The following SYN2 variants were observed in gnomAD, a reference collection of about 807,000 sequenced individuals.
The protein encoded by SYN2 is synapsin II.
A neutral mutation model predicts 50.9 loss-of-function variants in SYN2; 19 were observed. The ratio of observed to expected loss-of-function variants is 0.37; its 90% CI spans 0.26 to 0.55. The LOEUF is 0.55. Ranked by LOEUF, SYN2 falls within the 20% of genes least tolerant of loss-of-function variation. The probability of loss-of-function intolerance (pLI) is 0.81; values close to 1 mark genes in which losing one functional copy is unlikely to be tolerated. For synonymous variants in SYN2, 255 were observed against 224.9 expected (o/e 1.13, Z -1.20); for missense variants, 587 against 576.4 (o/e 1.02, Z -0.19).
At chr3:12,109,656 G>A (rs1420484000) in intron 1 of SYN2, among the ~76,000 whole-genome samples, 1 of 151,672 alleles carries the variant, frequency 6.6e-6, no homozygotes, top group Non-Finnish European at 1.5e-5. Flanking sequence ...TTTTTTTCTT[G>A]ACACCAGCCT....
intron 11 of SYN2, chr3:12,183,615 T>A: frequency 6.9e-7 from 1 of 1,453,580 alleles, no homozygotes; most frequent in Admixed American, 3.0e-5. Context: ...GTTTACCTGT[T>A]CCTGTTCGTG....
At chr3:12,154,222 T>C in intron 5 of SYN2, 1 of 1,516,584 alleles carries the variant, frequency 6.6e-7, no homozygotes, top group Non-Finnish European at 9.0e-7. Flanking sequence ...CTTCATACAG[T>C]GCAGATCTCA....
chr3:12,174,894 A>G (rs1574886972), intron 10 of SYN2, among the ~76,000 whole-genome samples: 2 of 152,242 alleles, frequency 1.3e-5, no homozygotes, highest in East Asian at 3.9e-4. Flanking sequence ...CATAGCACTC[A>G]CTATCAGTTG....
At chr3:12,012,338 GAA>G (rs1363550458) in intron 1 of SYN2, among the ~76,000 whole-genome samples, 1 of 152,150 alleles carries the variant, frequency 6.6e-6, no homozygotes, top group African/African-American at 2.4e-5. Flanking sequence ...AAGGAAGAGA[GAA>G]ATACACAGAA....
At chr3:12,187,837 G>A (rs547228163) in intron 12 of SYN2, among the ~76,000 whole-genome samples, 22 of 152,134 alleles carry the variant, frequency 1.4e-4, no homozygotes, top group Admixed American at 1.4e-3. Flanking sequence ...GGAGGAAAGA[G>A]GGAAGTGAAA....
chr3:12,149,001 A>G (rs1342741068), intron 4 of SYN2, among the ~76,000 whole-genome samples: 2 of 152,172 alleles, frequency 1.3e-5, no homozygotes, highest in Non-Finnish European at 2.9e-5. Context: ...CCAGGGAGCT[A>G]TGGGTTAGAT....
At chr3:12,125,840 GT>G (rs1340278080) in intron 1 of SYN2, among the ~76,000 whole-genome samples, 5 of 56,360 alleles carry the variant, frequency 8.9e-5, no homozygotes, top group Non-Finnish European at 1.9e-4. Context: ...TTGTCTAAAA[GT>G]GAAAAAAAAA....
At chr3:12,071,251 G>T (rs777848744) in intron 1 of SYN2, 276 of 556,516 alleles carry the variant, frequency 5.0e-4, no homozygotes, top group Admixed American at 2.4e-3. Context: ...CAAGTACTCT[G>T]TGTGGATCTG....
intron 5 of SYN2, among the ~76,000 whole-genome samples, chr3:12,155,892 C>T (rs1449277127): frequency 2.0e-5 from 3 of 152,188 alleles, no homozygotes; most frequent in African/African-American, 7.2e-5. Context: ...CTGCAGGGCT[C>T]AGTGGTGTGT....
intron 1 of SYN2, among the ~76,000 whole-genome samples, chr3:12,113,676 AT>A (rs1177004578): frequency 6.6e-6 from 1 of 152,170 alleles, no homozygotes; most frequent in Non-Finnish European, 1.5e-5. Context: ...TTATTCTAAT[AT>A]TTAATAAAAA....
At chr3:12,183,286 T>C (rs1157141092) in intron 10 of SYN2, 26 bp from the exon 11 acceptor site, 6 of 1,591,208 alleles carry the variant, frequency 3.8e-6, no homozygotes, top group Non-Finnish European at 5.1e-6. Context: ...AGTTTTGTTT[T>C]TATCTCTTAC....
intron 1 of SYN2, among the ~76,000 whole-genome samples, chr3:12,081,292 A>G (rs553977165): frequency 3.3e-4 from 51 of 152,346 alleles, no homozygotes; most frequent in African/African-American, 1.2e-3. Context: ...TTAAAAGGAA[A>G]ATGAAATACT....
At chr3:12,108,560 A>G (rs1696248106) in intron 1 of SYN2, among the ~76,000 whole-genome samples, 2 of 152,204 alleles carry the variant, frequency 1.3e-5, no homozygotes, top group Non-Finnish European at 2.9e-5. Flanking sequence ...TCTTTGTTTA[A>G]TGAATGTCAC....
chr3:12,094,816 C>T (rs1465903726), intron 1 of SYN2, among the ~76,000 whole-genome samples: 1 of 152,110 alleles, frequency 6.6e-6, no homozygotes, highest in Non-Finnish European at 1.5e-5. Context: ...TCATCTTGAA[C>T]ACTTGAGAAG....
At chr3:12,129,468 A>G (rs565961953) in intron 1 of SYN2, among the ~76,000 whole-genome samples, 3 of 152,180 alleles carry the variant, frequency 2.0e-5, no homozygotes, top group East Asian at 1.9e-4. Context: ...GTCTAGCTCT[A>G]AAATTCACAC....
intron 1 of SYN2, among the ~76,000 whole-genome samples, chr3:12,050,056 C>T (rs1466688712): frequency 1.3e-5 from 2 of 151,988 alleles, no homozygotes; most frequent in Admixed American, 6.5e-5. Context: ...CCTGCCACCA[C>T]GCCCGGCTAA....
In SYN2 at chr3:12,068,569, T is replaced by C. The variant is rs186546461; in HGVS notation, c.377+63641T>C. On this transcript the variant is annotated intron_variant, in intron 1 of 12. Coordinates refer to ENST00000621198, the MANE Select transcript of SYN2 (RefSeq NM_133625.6). ...GATATTTTCTTGAATTCCTTCATTG[T>C]TGATTTCCAATCCATATTTTTCTAT... 3.1e-4 allele frequency among the ~76,000 whole-genome samples: 47 copies of C among 152,388 alleles called. 1 individual carries two copies. Among genetic ancestry groups the C allele is most frequent in the African/African-American group, 1.1e-3 (45 of 41,598 alleles).
At chr3:12,043,292 A>G (rs1694662171) in intron 1 of SYN2, among the ~76,000 whole-genome samples, 1 of 152,002 alleles carries the variant, frequency 6.6e-6, no homozygotes, top group Non-Finnish European at 1.5e-5. Flanking sequence ...CTCTCAAAGC[A>G]CTGGGTTTAC....
intron 1 of SYN2, among the ~76,000 whole-genome samples, chr3:12,049,325 C>G (rs1694806474): frequency 6.6e-6 from 1 of 151,864 alleles, no homozygotes; most frequent in African/African-American, 2.4e-5. Context: ...TCAAGACCAG[C>G]CTGGTCAACA....
Sources: allele counts gnomAD v4.1 joint callset (sites outside exome capture counted in the v4.1 genomes callset), GRCh38; gene constraint gnomAD v4.1.1; transcripts MANE v1.5; gene names NCBI Gene and HGNC (gene_info 2026-07-23, HGNC 2026-07-21).